Variants in MYH9 observed in about 807,000 individuals in gnomAD.
MYH9 encodes the protein myosin heavy chain 9, also known as myosin-9.
Under a neutral mutation model 241.9 loss-of-function variants are expected in MYH9, and 29 were observed. That is an observed-to-expected ratio of 0.12 (90% CI 0.09 to 0.16). MYH9 has a LOEUF of 0.16. Ranked by LOEUF, MYH9 falls within the 10% of genes least tolerant of loss-of-function variation. The pLI, the probability that MYH9 is intolerant of heterozygous loss-of-function variation, is 1.00. For synonymous variants in MYH9, 1,047 were observed against 1,062.6 expected (o/e 0.99, Z 0.29); for missense variants, 1,803 against 2,595.5 (o/e 0.69, Z 6.63).
chr22:36,348,866 T>A (rs1478605659), intron 2 of MYH9, 38 bp downstream of exon 2: 3 of 975,318 alleles, frequency 3.1e-6, no homozygotes, highest in East Asian at 1.2e-4. Context: ...CTCGGAGCCC[T>A]CAGACCCAGC....
chr22:36,316,468 C>G (rs1179829692), intron 12 of MYH9, 49 bp downstream of exon 12: 2 of 1,613,622 alleles, frequency 1.2e-6, no homozygotes, highest in African/African-American at 1.3e-5. Flanking sequence ...GATAAGGCAA[C>G]CAACAGGCCA....
At position 36,329,502 on chromosome 22, in the gene MYH9, G is replaced by A. The variant is rs921645345; in HGVS notation, c.491-2014C>T. ...CTGCCCTCCCCCACTGCGTCTCCCTGTGGTCTGCCCCAGCTGTGGGCATGT... is the reference window on the plus strand; with the variant it reads ...CTGCCCTCCCCCACTGCGTCTCCCTATGGTCTGCCCCAGCTGTGGGCATGT... On this transcript the variant is annotated intron_variant, in intron 3 of 40. Coordinates refer to ENST00000216181, the MANE Select transcript of MYH9 (RefSeq NM_002473.6). This position sits in a 1 kb window ranked among gnomAD's most constrained non-coding sequence, Gnocchi z 4.1. Among the ~76,000 whole-genome samples, 1 of 152,180 alleles carries A rather than the reference G, an allele frequency of 6.6e-6. No homozygotes were observed. Among genetic ancestry groups the A allele is most frequent in the African/African-American group, 2.4e-5 (1 of 41,440 alleles).
At chr22:36,284,716 G>C (rs538197272) in intron 38 of MYH9, among the ~76,000 whole-genome samples, 3 of 152,264 alleles carry the variant, frequency 2.0e-5, no homozygotes, top group African/African-American at 7.2e-5. Context: ...AATGGGCTCA[G>C]GTAAGGGAAG....
intron 14 of MYH9, among the ~76,000 whole-genome samples, 167 bp from the exon 15 acceptor site, chr22:36,309,563 C>T (rs543599607): frequency 2.0e-5 from 3 of 152,298 alleles, no homozygotes; most frequent in East Asian, 3.9e-4. Context: ...ATAAGGGGAG[C>T]GAGGCATCAA....
rs2146331378 is a variant in MYH9 at position 36,288,502 on chromosome 22, T to C, written c.4771-89A>G. ...GAACTCAGGAGCCTCAGGCCAGTTC[T>C]GCAGGATCCATGGGGCCTCGGGAAA... On this transcript the variant is annotated intron_variant, in intron 33 of 40. Transcript: ENST00000216181. This position sits in a 1 kb window ranked among gnomAD's most constrained non-coding sequence, Gnocchi z 4.8. 6.4e-7 allele frequency: 1 copy of C among 1,555,192 alleles called. No homozygotes were observed. Among genetic ancestry groups the C allele is most frequent in the Non-Finnish European group, 8.8e-7 (1 of 1,140,478 alleles).
intron 1 of MYH9, among the ~76,000 whole-genome samples, chr22:36,349,984 G>C (rs766105025): frequency 1.3e-5 from 2 of 152,140 alleles, no homozygotes; most frequent in Non-Finnish European, 2.9e-5. Flanking sequence ...TAAAAAACTT[G>C]TTATTAGTTC....
At position 36,302,513 on chromosome 22, in the gene MYH9, T is replaced by A. The variant is rs2016895425; in HGVS notation, c.2499+55A>T. The A allele has an allele frequency of 2.9e-6, 4 of 1,395,126 alleles. No individual in the cohort carries two copies. The East Asian group carries it at 6.9e-5, about 24-fold the overall frequency. 86.4% of individuals were successfully genotyped at this position (1,395,126 alleles called of 1,614,324 possible). A position where few individuals can be genotyped will look rare whatever the true frequency, so the allele number is the denominator to read the frequency against. On this transcript the variant is annotated intron_variant, in intron 20 of 40. Coordinates refer to ENST00000216181, the MANE Select transcript of MYH9 (RefSeq NM_002473.6). The stretch of plus-strand genomic sequence containing the variant: ...AAATACAAACAATTAGCCAGGTATG[T>A]ATGGTGGTGTGCACCCGTAGTCCCA...
At chr22:36,318,118 C>A in intron 11 of MYH9, 89 bp downstream of exon 11, 1 of 1,152,174 alleles carries the variant, frequency 8.7e-7, no homozygotes, top group South Asian at 1.2e-5. Flanking sequence ...ACACGGACAC[C>A]CCAGGATGGC....
At chr22:36,304,246 C>T in intron 18 of MYH9, 91 bp from the exon 19 acceptor site, 1 of 1,355,248 alleles carries the variant, frequency 7.4e-7, no homozygotes, top group Non-Finnish European at 1.1e-6. Context: ...GTGTGCCCTT[C>T]ACCCTTCTTC....
At chr22:36,323,012 T>C (rs574736334) in intron 5 of MYH9, among the ~76,000 whole-genome samples, 2 of 152,330 alleles carry the variant, frequency 1.3e-5, no homozygotes, top group African/African-American at 2.4e-5. Context: ...TCCTGATAAA[T>C]GCTTCACTTT....
chr22:36,294,194 G>A lies in MYH9; in HGVS notation c.3735C>T (p.His1245=), dbSNP rs1250573354. ...VLLQGKGDSE[H]KRKKVEAQLQ... ...GCTGCGCCTCCACTTTCTTGCGCTT[G>A]TGCTCCGAGTCCCCTTTGCCCTGCA... Residue 1245 remains histidine (H), a synonymous_variant, in exon 28 of 41, where the codon CAC becomes CAT. Transcript: ENST00000216181. 1.9e-6 allele frequency: 3 copies of A among 1,613,890 alleles called. No homozygotes were observed. Among genetic ancestry groups the A allele is most frequent in the Middle Eastern group, 1.6e-4 (1 of 6,084 alleles).
chr22:36,345,264 A>G (rs2017659788), intron 2 of MYH9, among the ~76,000 whole-genome samples: 1 of 150,058 alleles, frequency 6.7e-6, no homozygotes, highest in Admixed American at 6.7e-5. Flanking sequence ...GTGAGCCGAG[A>G]TCATGCCACT....
intron 19 of MYH9, among the ~76,000 whole-genome samples, chr22:36,303,772 G>A (rs1191653806): frequency 2.2e-4 from 30 of 135,906 alleles, no homozygotes; most frequent in Admixed American, 5.7e-4. Flanking sequence ...GCGACAGAGT[G>A]AGACTCCGTC....
At chr22:36,286,908 A>G (rs766995797) in intron 34 of MYH9, 62 bp from the exon 35 acceptor site, 7 of 1,598,470 alleles carry the variant, frequency 4.4e-6, no homozygotes, top group Non-Finnish European at 5.9e-6. Flanking sequence ...CCCAACCCTC[A>G]TGGGTCACCT....
In MYH9 at chr22:36,306,755, C is replaced by G. The variant is rs1486294629; in HGVS notation, c.1844-148G>C. 1 of 870,862 alleles carries G rather than the reference C, an allele frequency of 1.1e-6. No homozygotes were observed. Among genetic ancestry groups the G allele is most frequent in the Non-Finnish European group, 1.8e-6 (1 of 543,694 alleles). The allele number at this position is 870,862 out of a possible 1,614,324, so 53.9% of individuals were successfully genotyped here. On this transcript the variant is annotated intron_variant, in intron 15 of 40. Transcript: ENST00000216181. This position sits in a 1 kb window ranked among gnomAD's most constrained non-coding sequence, Gnocchi z 4.1. ...GGACCCTTTCCAATTGGAGCCTACA[C>G]TGGGTGCTAAGGTCATCCCCAAACA... is the stretch of plus-strand genomic sequence containing the variant.
intron 40 of MYH9, 131 bp downstream of exon 40, chr22:36,283,962 A>C: frequency 1.8e-6 from 2 of 1,087,250 alleles, no homozygotes; most frequent in Non-Finnish European, 2.8e-6. Flanking sequence ...AGGAGCCAGA[A>C]GGGGCAGGGA....
rs761649496 is a variant in MYH9 at position 36,309,278 on chromosome 22, G to A, written c.1843+4C>T. On this transcript the variant is annotated splice_donor_region_variant and intron_variant, in intron 15 of 40. Transcript: ENST00000216181. ...AGGCAGGGGGCGAAGGGCAAAGGGCGTACCATCCTTCCACAGCTCCGAGAC... is the reference window on the plus strand; with the variant it reads ...AGGCAGGGGGCGAAGGGCAAAGGGCATACCATCCTTCCACAGCTCCGAGAC... The A allele has an allele frequency of 2.4e-5, 38 of 1,612,604 alleles. No homozygotes were observed. In the East Asian group the frequency reaches 2.4e-4, roughly 10 times the overall value.
Position 36,285,155 on chromosome 22 carries a change from C to T in MYH9, c.5449G>A (p.Ala1817Thr). The change falls in exon 38 of 41, where the codon GCA becomes ACA. Residue 1817 changes from alanine to threonine, a missense_variant. By Grantham distance (58) the Ala-to-Thr change is moderately conservative. Coordinates refer to ENST00000216181, the MANE Select transcript of MYH9 (RefSeq NM_002473.6). The surrounding 1 kb of genome is among the most constrained non-coding windows in gnomAD (Gnocchi z 7.0). ...TTGTCCAGCTGCTCCTCCAGCTGTGCAATCTTGGCCTCGAGGGCGGTGATG... is the reference window on the plus strand; with the variant it reads ...TTGTCCAGCTGCTCCTCCAGCTGTGTAATCTTGGCCTCGAGGGCGGTGATG... ...ASITALEAKI[A>T]QLEEQLDNET... 6.2e-7 allele frequency: 1 copy of T among 1,614,158 alleles called. No homozygotes were observed. Among genetic ancestry groups the T allele is most frequent in the Admixed American group, 1.7e-5 (1 of 60,030 alleles).
rs1468750707 is a variant in MYH9, at chr22:36,306,120, C to A, written c.2038-69G>T. 6.2e-7 allele frequency: 1 copy of A among 1,601,506 alleles called. No individual in the cohort carries two copies. Among genetic ancestry groups the A allele is most frequent in the African/African-American group, 1.3e-5 (1 of 74,846 alleles). On this transcript the variant is annotated intron_variant, in intron 16 of 40. Coordinates refer to ENST00000216181, the MANE Select transcript of MYH9 (RefSeq NM_002473.6). The surrounding 1 kb of genome is among the most constrained non-coding windows in gnomAD (Gnocchi z 4.1). The stretch of plus-strand genomic sequence containing the variant: ...GAACAGTCGGAGAATAGTCAGGGAA[C>A]CCCTATGAACCTGACAGGGCAAGAG...
Sources: gnomAD v4.1 joint callset for allele counts (sites outside exome capture counted in the v4.1 genomes callset) on GRCh38, gnomAD v4.1.1 for gene constraint, Gnocchi (gnomAD v3.1) non-coding constraint, MANE v1.5 for transcripts, NCBI Gene and HGNC (gene_info 2026-07-23, HGNC 2026-07-21) for gene names.